The following GTF2E2 variants were observed in gnomAD, a reference collection of about 807,000 sequenced individuals.
GTF2E2 encodes the protein transcription initiation factor IIE subunit beta.
GTF2E2 carries 21 observed loss-of-function variants against 40.5 expected under a neutral mutation model. The observed-to-expected ratio is 0.52, with a 90% CI of 0.37 to 0.75. The LOEUF (loss-of-function observed/expected upper bound fraction) is 0.75, where lower values mean the gene tolerates loss of function less well. GTF2E2 is among the 30% of genes least tolerant of loss of function. GTF2E2 has a pLI of 0.00. For synonymous variants in GTF2E2, 117 were observed against 121.6 expected (o/e 0.96, Z 0.25); for missense variants, 298 against 338.4 (o/e 0.88, Z 0.94).
rs1802512572 is a variant in GTF2E2 at position 30,658,221 on chromosome 8, G to C, written c.-253C>G. On this transcript the variant is annotated 5_prime_UTR_variant, in exon 1 of 8. Transcript: ENST00000355904. ...ACTCCGCCCGCCACTTCCCGATCGG[G>C]TGCTAGGAGCTCAGTCCCGGCAGCC... 3 of 176,016 alleles carry C rather than the reference G, an allele frequency of 1.7e-5. No homozygotes were observed. The highest frequency in any genetic ancestry group is 1.8e-4 in the South Asian group (2 of 11,288). 10.9% of individuals were successfully genotyped at this position (176,016 alleles called of 1,614,324 possible). A position where few individuals can be genotyped will look rare whatever the true frequency, so the allele number is the denominator to read the frequency against.
rs569668654 is a variant in GTF2E2 at position 30,646,816 on chromosome 8, C to T, written c.166+6617G>A. The stretch of plus-strand genomic sequence containing the variant: ...CCAAGATGGTGAAACCCCGTCTATA[C>T]TAAAAATACAAAAGTTAGCCGGGCA... On this transcript the variant is annotated intron_variant, in intron 2 of 7. Transcript: ENST00000355904. Among the ~76,000 whole-genome samples the T allele has an allele frequency of 3.3e-5, 5 of 151,816 alleles. No homozygotes were observed. In the South Asian group the frequency reaches 1.0e-3, roughly 32 times the overall value.
chr8:30,624,589 A>C (rs1156591263), intron 3 of GTF2E2, among the ~76,000 whole-genome samples: 1 of 152,078 alleles, frequency 6.6e-6, no homozygotes, highest in Admixed American at 6.5e-5. Context: ...TTGAATCTAT[A>C]AATTACCTTG....
chr8:30,615,971 C>A (rs745946737), intron 3 of GTF2E2, among the ~76,000 whole-genome samples: 2 of 151,998 alleles, frequency 1.3e-5, no homozygotes, highest in Non-Finnish European at 2.9e-5. Context: ...TATATCCAGA[C>A]GATGGAATAC....
chr8:30,618,345 A>C (rs1800985900), intron 3 of GTF2E2, among the ~76,000 whole-genome samples: 1 of 152,036 alleles, frequency 6.6e-6, no homozygotes, highest in South Asian at 2.1e-4. Flanking sequence ...AAATACTATT[A>C]GTAAAGTGGC....
chr8:30,620,072 T>C (rs1312182693), intron 3 of GTF2E2, among the ~76,000 whole-genome samples: 1 of 152,010 alleles, frequency 6.6e-6, no homozygotes, highest in East Asian at 1.9e-4. Context: ...TGCTCCCCTT[T>C]ATGTCTCCAG....
chr8:30,595,263 T>C (rs1049671603), intron 6 of GTF2E2, among the ~76,000 whole-genome samples: 7 of 152,198 alleles, frequency 4.6e-5, no homozygotes, highest in East Asian at 1.9e-4. Context: ...TTAAGCTAAT[T>C]TGTCATAAAT....
At chr8:30,597,683 T>C (rs7833529) in intron 6 of GTF2E2, among the ~76,000 whole-genome samples, 70,221 of 152,026 alleles carry the variant, frequency 0.46, 16,165 homozygotes, top group Middle Eastern at 0.55. Context: ...GATATCAGCA[T>C]GCAGACTTCT....
In GTF2E2 at chr8:30,636,490, C is replaced by T. The variant is rs150646096; in HGVS notation, c.167-1367G>A. 3.9e-4 allele frequency among the ~76,000 whole-genome samples: 60 copies of T among 152,296 alleles called. No individual in the cohort carries two copies. The East Asian group carries it at 0.011, about 27-fold the overall frequency. ...GATTAGTGAAGTCTTTATTGAGTATCCTTTTTTGAGACTAAAATGAAACTT... is the reference window on the plus strand; with the variant it reads ...GATTAGTGAAGTCTTTATTGAGTATTCTTTTTTGAGACTAAAATGAAACTT... On this transcript the variant is annotated intron_variant, in intron 2 of 7. Coordinates refer to ENST00000355904, the MANE Select transcript of GTF2E2 (RefSeq NM_002095.6).
intron 2 of GTF2E2, chr8:30,644,629 C>G (rs896806277): frequency 1.3e-5 from 2 of 152,170 alleles, no homozygotes; most frequent in African/African-American, 4.8e-5. Flanking sequence ...GTTTGAAGAA[C>G]ATAACCTTAA....
intron 2 of GTF2E2, among the ~76,000 whole-genome samples, chr8:30,649,336 T>A (rs1171858931): frequency 6.6e-6 from 1 of 151,542 alleles, no homozygotes; most frequent in African/African-American, 2.4e-5. Context: ...TAAAAGATAA[T>A]AATGTAAGAG....
At chr8:30,655,074 AC>A (rs1400905241) in intron 1 of GTF2E2, among the ~76,000 whole-genome samples, 4 of 151,962 alleles carry the variant, frequency 2.6e-5, no homozygotes, top group Admixed American at 2.6e-4. Context: ...AGTGACACAT[AC>A]GTGTAGTCCG....
At chr8:30,606,489 A>G (rs1829318715) in intron 6 of GTF2E2, among the ~76,000 whole-genome samples, 1 of 152,206 alleles carries the variant, frequency 6.6e-6, no homozygotes, top group Non-Finnish European at 1.5e-5. Context: ...TGAATAATAC[A>G]TTTTTCATCA....
intron 2 of GTF2E2, chr8:30,643,497 A>T (rs773371470): frequency 6.6e-6 from 1 of 152,168 alleles, no homozygotes; most frequent in Non-Finnish European, 1.5e-5. Context: ...TTCTACTAAA[A>T]ATACAAAAAT....
Position 30,605,444 on chromosome 8 carries a change from C to A in GTF2E2, c.643+1613G>T, listed in dbSNP as rs560454271. Among the ~76,000 whole-genome samples, 650 of 152,184 alleles carry A rather than the reference C, an allele frequency of 4.3e-3. 9 individuals are homozygous for A. Among genetic ancestry groups the A allele is most frequent in the African/African-American group, 0.015 (621 of 41,496 alleles). ...AGAATCCAAAATAAAACTAGTTAAG[C>A]AGCTGCCACAAAAGAAAGGGACTGC... On this transcript the variant is annotated intron_variant, in intron 6 of 7. Coordinates refer to ENST00000355904, the MANE Select transcript of GTF2E2 (RefSeq NM_002095.6).
chr8:30,610,911 C>T (rs73245356), intron 5 of GTF2E2, among the ~76,000 whole-genome samples: 7,059 of 152,190 alleles, frequency 0.046, 213 homozygotes, highest in Non-Finnish European at 0.066. Flanking sequence ...AAAATATTTG[C>T]AAATCATGTA....
chr8:30,605,115 C>T (rs1181241040), intron 6 of GTF2E2, among the ~76,000 whole-genome samples: 9 of 152,180 alleles, frequency 5.9e-5, no homozygotes, highest in Non-Finnish European at 1.3e-4. Context: ...ACTGCAATCT[C>T]TTTCCTATCA....
chr8:30,640,921 T>C (rs1409393749), intron 2 of GTF2E2, among the ~76,000 whole-genome samples: 2 of 152,208 alleles, frequency 1.3e-5, no homozygotes, highest in East Asian at 3.8e-4. Context: ...GTCAGGCCAG[T>C]CTTGAACTTA....
chr8:30,651,380 C>A (rs1802271258), intron 2 of GTF2E2, among the ~76,000 whole-genome samples: 1 of 151,908 alleles, frequency 6.6e-6, no homozygotes, highest in Non-Finnish European at 1.5e-5. Context: ...AAAAAAAACT[C>A]TTGTTTCTAT....
intron 6 of GTF2E2, among the ~76,000 whole-genome samples, chr8:30,584,210 T>C (rs117845013): frequency 6.7e-6 from 1 of 150,082 alleles, no homozygotes; most frequent in Non-Finnish European, 1.5e-5. Context: ...TTTTTTTTTT[T>C]CCTCCAGTTT....
Sources: gnomAD v4.1 joint callset for allele counts (sites outside exome capture counted in the v4.1 genomes callset) on GRCh38, gnomAD v4.1.1 for gene constraint, MANE v1.5 for transcripts, NCBI Gene and HGNC (gene_info 2026-07-23, HGNC 2026-07-21) for gene names.